CMPK2: variants seen among roughly 807,000 people sequenced by gnomAD.
CMPK2 encodes the protein UMP-CMP kinase 2, mitochondrial.
In CMPK2, 32 loss-of-function variants were observed where a neutral mutation model predicts 33.4. The ratio of observed to expected loss-of-function variants is 0.96; its 90% CI spans 0.72 to 1.29. The LOEUF is 1.29. Among genes scored for constraint, CMPK2 ranks in the 50% most tolerant of loss-of-function variants. The pLI, the probability that CMPK2 is intolerant of heterozygous loss-of-function variation, is 0.00. For synonymous variants in CMPK2, 299 were observed against 275.3 expected (o/e 1.09, Z -0.85); for missense variants, 672 against 616.0 (o/e 1.09, Z -0.96).
chr2:6,849,553 C>T lies in CMPK2; in HGVS notation c.*297G>A. 8.8e-7 allele frequency: 1 copy of T among 1,130,380 alleles called. No individual in the cohort carries two copies. Among genetic ancestry groups the T allele is most frequent in the Non-Finnish European group, 1.1e-6 (1 of 921,090 alleles). The allele number at this position is 1,130,380 out of a possible 1,614,324, so 70.0% of individuals were successfully genotyped here. A position where few individuals can be genotyped will look rare whatever the true frequency, so the allele number is the denominator to read the frequency against. ...TGCTGTCTGAGTAAGACAGGTCTTC[C>T]AGATATTTGGTAGTGATTAAGTGAA... On this transcript the variant is annotated 3_prime_UTR_variant, in exon 5 of 5. Transcript: ENST00000256722.
In CMPK2 at chr2:6,853,895, T is replaced by C. The variant is rs561440915; in HGVS notation, c.993-2212A>G. 6.6e-5 allele frequency among the ~76,000 whole-genome samples: 10 copies of C among 151,616 alleles called. No homozygotes were observed. In the East Asian group the frequency reaches 1.4e-3, roughly 21 times the overall value. ...CCAGCCTGGGCAACAGAGCGAGACTTCATCTAAAAAAAAAAAAGAAAAATT... is the reference window on the plus strand; with the variant it reads ...CCAGCCTGGGCAACAGAGCGAGACTCCATCTAAAAAAAAAAAAGAAAAATT... On this transcript the variant is annotated intron_variant, in intron 3 of 4. Coordinates refer to ENST00000256722, the MANE Select transcript of CMPK2 (RefSeq NM_207315.4).
At chr2:6,841,142 T>C (rs1432521105) in intron 3 of CMPK2, among the ~76,000 whole-genome samples, 1 of 152,152 alleles carries the variant, frequency 6.6e-6, no homozygotes, top group Non-Finnish European at 1.5e-5. Flanking sequence ...TGAGGGGCCA[T>C]TGTCACTTTG....
rs1175761671 is a variant in CMPK2, at chr2:6,849,465, G to A, written c.*385C>T. The A allele has an allele frequency of 9.8e-7, 1 of 1,017,054 alleles. No homozygotes were observed. The highest frequency in any genetic ancestry group is 1.2e-6 in the Non-Finnish European group (1 of 850,914). The allele number at this position is 1,017,054 out of a possible 1,614,324, so 63.0% of individuals were successfully genotyped here. ...TCATCAGCATGCCAGTGTAGGAGAA[G>A]CAGAGGCTCCGGGGTCTCCCTGCTG... On this transcript the variant is annotated 3_prime_UTR_variant, in exon 5 of 5. Transcript: ENST00000256722.
In CMPK2 at chr2:6,851,604, G is replaced by C; in HGVS notation, c.1072C>G (p.Pro358Ala). 1 of 1,614,180 alleles carries C rather than the reference G, an allele frequency of 6.2e-7. No homozygotes were observed. The highest frequency in any genetic ancestry group is 8.5e-7 in the Non-Finnish European group (1 of 1,180,038). Residue 358 changes from proline (P) to alanine (A), a missense_variant, in exon 4 of 5, where the codon CCT (proline) becomes GCT (alanine). Coordinates refer to ENST00000256722, the MANE Select transcript of CMPK2 (RefSeq NM_207315.4). ...GLQHLPPAHH[P>A]VYQWPEDLLK... ...AGGTCCTCTGGCCACTGGTACACAGGGTGATGGGCTGGGGGCAGGTGCTGG... is the reference window on the plus strand; with the variant it reads ...AGGTCCTCTGGCCACTGGTACACAGCGTGATGGGCTGGGGGCAGGTGCTGG...
chr2:6,861,498 AAC>A, intron 2 of CMPK2, 113 bp from the exon 3 acceptor site: 1 of 755,204 alleles, frequency 1.3e-6, no homozygotes, highest in Non-Finnish European at 2.2e-6. Context: ...TAGACTAAAT[AAC>A]AGGATTCTTT....
intron 2 of CMPK2, chr2:6,862,017 C>T (rs1662896834): frequency 6.6e-6 from 1 of 152,658 alleles, no homozygotes; most frequent in Non-Finnish European, 1.5e-5. Context: ...GCCCATCTCA[C>T]AATTCTCAGC....
downstream of CMPK2, chr2:6,848,208 C>T (rs990428691): frequency 3.9e-5 from 11 of 282,146 alleles, no homozygotes; most frequent in East Asian, 1.7e-4. Flanking sequence ...CCAGCTCACA[C>T]CTTTCAACTT....
downstream of CMPK2, among the ~76,000 whole-genome samples, chr2:6,847,580 G>A (rs1300023663): frequency 1.3e-5 from 2 of 152,158 alleles, no homozygotes; most frequent in Non-Finnish European, 2.9e-5. Flanking sequence ...TTTACATTAT[G>A]TGGGGTGAGG....
At chr2:6,851,725 A>T in intron 3 of CMPK2, 42 bp from the exon 4 acceptor site, 1 of 1,574,452 alleles carries the variant, frequency 6.4e-7, no homozygotes, top group East Asian at 2.3e-5. Flanking sequence ...CTGCAGAAGA[A>T]GTCAAAGTAG....
downstream of CMPK2, among the ~76,000 whole-genome samples, chr2:6,843,824 G>A (rs887261755): frequency 6.6e-6 from 1 of 152,202 alleles, no homozygotes; most frequent in African/African-American, 2.4e-5. Flanking sequence ...GAGGAGAGAA[G>A]GTCAGGACTG....
intron 1 of CMPK2, among the ~76,000 whole-genome samples, 197 bp from the exon 2 acceptor site, chr2:6,863,775 C>T (rs1662957354): frequency 1.3e-5 from 2 of 152,230 alleles, no homozygotes; most frequent in African/African-American, 4.8e-5. Context: ...GCAGCCGAGG[C>T]TCGAAACAGC....
rs185447125 is a variant in CMPK2, at chr2:6,853,763, G to A, written c.993-2080C>T. 2.7e-3 allele frequency among the ~76,000 whole-genome samples: 417 copies of A among 152,144 alleles called. 2 individuals carry two copies. The highest frequency in any genetic ancestry group is 8.3e-3 in the African/African-American group (343 of 41,514). On this transcript the variant is annotated intron_variant, in intron 3 of 4. Transcript: ENST00000256722. ...TAAATATACAAAAAATTAGCCGGGC[G>A]TGGTGGCGGGCACCTGTAGTCCCAG...
intron 3 of CMPK2, among the ~76,000 whole-genome samples, chr2:6,855,087 G>C (rs1399681738): frequency 6.6e-6 from 1 of 151,650 alleles, no homozygotes; most frequent in Non-Finnish European, 1.5e-5. Context: ...TCATGCCAAA[G>C]GGTATTAGGT....
intron 3 of CMPK2, among the ~76,000 whole-genome samples, chr2:6,853,012 C>T (rs755965423): frequency 5.9e-5 from 9 of 152,178 alleles, no homozygotes; most frequent in African/African-American, 1.2e-4. Context: ...TGCAGTGGCA[C>T]GATCTCAGCT....
At chr2:6,843,278 C>G (rs1026062437) in intron 3 of CMPK2, among the ~76,000 whole-genome samples, 1 of 152,114 alleles carries the variant, frequency 6.6e-6, no homozygotes, top group African/African-American at 2.4e-5. Flanking sequence ...TTTGAGTTAG[C>G]AAAGTATTAG....
intron 3 of CMPK2, among the ~76,000 whole-genome samples, chr2:6,857,224 T>C (rs1450573434): frequency 1.3e-5 from 2 of 152,246 alleles, no homozygotes; most frequent in African/African-American, 2.4e-5. Flanking sequence ...TTTGTCATCG[T>C]GATGTAAGTT....
intron 3 of CMPK2, among the ~76,000 whole-genome samples, chr2:6,859,091 C>T (rs555243664): frequency 1.1e-4 from 17 of 152,310 alleles, no homozygotes; most frequent in South Asian, 4.1e-4. Context: ...AAGAGACTGG[C>T]GGCATTTAGC....
chr2:6,842,008 G>C (rs576222739), intron 3 of CMPK2, among the ~76,000 whole-genome samples: 2 of 152,264 alleles, frequency 1.3e-5, no homozygotes, highest in East Asian at 3.9e-4. Context: ...CCTCATGACA[G>C]CAATTAACTC....
chr2:6,865,605 CGCG>C lies in CMPK2; in HGVS notation c.89_91del (p.Pro30del). ...GTCGGGAAGCTCCAGGACGAAGCGGCGCGGCGGAGCCATGGCCCCAGCGCAGAC... is the reference window on the plus strand; with the variant it reads ...GTCGGGAAGCTCCAGGACGAAGCGGCGCGGAGCCATGGCCCCAGCGCAGAC... On this transcript the variant is annotated inframe_deletion, in exon 1 of 5. Transcript: ENST00000256722. 7.2e-7 allele frequency: 1 copy of C among 1,393,626 alleles called. No homozygotes were observed. The highest frequency in any genetic ancestry group is 3.2e-5 in the East Asian group (1 of 31,506). The allele number at this position is 1,393,626 out of a possible 1,614,324, so 86.3% of individuals were successfully genotyped here.
Sources: gnomAD v4.1 joint callset for allele counts (sites outside exome capture counted in the v4.1 genomes callset) on GRCh38, gnomAD v4.1.1 for gene constraint, MANE v1.5 for transcripts, NCBI Gene and HGNC (gene_info 2026-07-23, HGNC 2026-07-21) for gene names.